SGCE: variants seen among roughly 807,000 people sequenced by gnomAD.
SGCE encodes the protein epsilon-sarcoglycan.
In SGCE, 26 loss-of-function variants were observed where a neutral mutation model predicts 57.8. The observed-to-expected ratio is 0.45, with a 90% CI of 0.33 to 0.62. The LOEUF (loss-of-function observed/expected upper bound fraction) is 0.62, where lower values mean the gene tolerates loss of function less well. SGCE is among the 20% of genes least tolerant of loss of function. The probability of loss-of-function intolerance (pLI) is 0.02; values close to 1 mark genes in which losing one functional copy is unlikely to be tolerated. For synonymous variants in SGCE, 183 were observed against 189.5 expected, an observed-to-expected ratio of 0.97 and a Z score of 0.28; for missense variants, 468 against 548.6, an observed-to-expected ratio of 0.85 and a Z score of 1.47.
intron 8 of SGCE, 31 bp from the exon 9 acceptor site, chr7:94,598,994 T>C: frequency 6.5e-7 from 1 of 1,544,066 alleles, no homozygotes. Flanking sequence ...ACAACATATA[T>C]TTAAAATCAT....
At chr7:94,623,573 G>A in intron 3 of SGCE, 176 bp from the exon 4 acceptor site, 17 of 580,526 alleles carry the variant, frequency 2.9e-5, no homozygotes, top group South Asian at 9.6e-5. Context: ...CAATATTATG[G>A]GAAAATAAAT....
At chr7:94,612,625 C>T (rs1801220725) in intron 5 of SGCE, among the ~76,000 whole-genome samples, 1 of 152,132 alleles carries the variant, frequency 6.6e-6, no homozygotes, top group South Asian at 2.1e-4. Flanking sequence ...TCTGCATATT[C>T]TTTAATGTGA....
intron 5 of SGCE, among the ~76,000 whole-genome samples, chr7:94,605,401 C>T (rs1584560331): frequency 6.6e-6 from 1 of 152,080 alleles, no homozygotes. Context: ...CTTAATTGAT[C>T]TAACAGATAA....
intron 1 of SGCE, among the ~76,000 whole-genome samples, chr7:94,639,695 T>C (rs997695182): frequency 6.6e-6 from 1 of 152,168 alleles, no homozygotes; most frequent in Admixed American, 6.5e-5. Context: ...TTCATGTACA[T>C]ATACATATAC....
At position 94,588,689 on chromosome 7, in the gene SGCE, C is replaced by T. The variant is rs1167644798; in HGVS notation, c.1297G>A (p.Gly433Ser). The change falls in exon 10 of 11, where the codon GGT becomes AGT. Residue 433 changes from glycine (G) to serine (S), a missense_variant and splice_region_variant. By Grantham distance (56) the Gly-to-Ser change is moderately conservative (BLOSUM62 0). Transcript: ENST00000648936. ...TTAATTTATTATTCTTAGCACTCAC[C>T]TGTAGTCTGCTGTTGGGGAATCTGA... Reference protein sequence around the residue: ...QTQIPQQQTTGKWYP With the variant: ...QTQIPQQQTTSKWYP The T allele has an allele frequency of 3.1e-6, 5 of 1,592,970 alleles. No individual in the cohort carries two copies. In the South Asian group the frequency reaches 3.3e-5, roughly 11 times the overall value.
intron 5 of SGCE, among the ~76,000 whole-genome samples, chr7:94,604,113 T>C (rs951870061): frequency 1.3e-5 from 2 of 152,082 alleles, no homozygotes; most frequent in African/African-American, 2.4e-5. Context: ...GGGGGAATTA[T>C]GGGGAAAGAT....
At chr7:94,635,033 A>C (rs949556325) in intron 1 of SGCE, among the ~76,000 whole-genome samples, 1 of 152,180 alleles carries the variant, frequency 6.6e-6, no homozygotes, top group African/African-American at 2.4e-5. Context: ...GTTATAGCTA[A>C]ATCAGCCTAA....
At chr7:94,636,754 C>T (rs953240358) in intron 1 of SGCE, among the ~76,000 whole-genome samples, 6 of 152,096 alleles carry the variant, frequency 3.9e-5, no homozygotes, top group East Asian at 3.9e-4. Context: ...ACCATCCTAC[C>T]GCTTTAGCTA....
chr7:94,590,315 C>T (rs1437765387), intron 9 of SGCE, among the ~76,000 whole-genome samples: 3 of 152,142 alleles, frequency 2.0e-5, no homozygotes, highest in African/African-American at 7.2e-5. Flanking sequence ...TATGCATCCT[C>T]ACTCTCTAAG....
chr7:94,649,087 G>A (rs1158450598), intron 1 of SGCE, among the ~76,000 whole-genome samples: 1 of 152,174 alleles, frequency 6.6e-6, no homozygotes, highest in Non-Finnish European at 1.5e-5. Context: ...ATACCATGGC[G>A]ATTCCCGTGG....
chr7:94,629,845 A>C lies in SGCE; in HGVS notation c.110-4T>G. On this transcript the variant is annotated splice_polypyrimidine_tract_variant and splice_region_variant and intron_variant, in intron 1 of 10. Transcript: ENST00000648936. Reference sequence around the variant, plus strand: ...ACCTTGGAGAAAATACTGTACACTGAAAACAAAGAGGAAAGATAAGTGACA... The same window carrying C: ...ACCTTGGAGAAAATACTGTACACTGCAAACAAAGAGGAAAGATAAGTGACA... The C allele has an allele frequency of 6.2e-7, 1 of 1,610,448 alleles. No individual in the cohort carries two copies. The highest frequency in any genetic ancestry group is 8.5e-7 in the Non-Finnish European group (1 of 1,177,318).
At chr7:94,647,493 A>G (rs1243762260) in intron 1 of SGCE, among the ~76,000 whole-genome samples, 1 of 152,132 alleles carries the variant, frequency 6.6e-6, no homozygotes, top group East Asian at 1.9e-4. Flanking sequence ...CCTTTTCCTC[A>G]CAAACAGCTA....
At chr7:94,634,708 C>T (rs921407245) in intron 1 of SGCE, among the ~76,000 whole-genome samples, 4 of 152,082 alleles carry the variant, frequency 2.6e-5, no homozygotes, top group Admixed American at 6.6e-5. Flanking sequence ...TTTTGGCTGC[C>T]GAAAGACTCT....
At chr7:94,646,100 C>T (rs1533833) in intron 1 of SGCE, among the ~76,000 whole-genome samples, 2 of 152,166 alleles carry the variant, frequency 1.3e-5, no homozygotes, top group Admixed American at 6.5e-5. Flanking sequence ...GGCATCTCAG[C>T]CAATCCTCAT....
rs866020566 is a variant in SGCE, at chr7:94,600,668, T to C, written c.1015A>G (p.Met339Val). ...LVLFLILAYI[M>V]CCRREGVEKR... ...CACACGCCTTCCCGTCGGCAGCACA[T>C]GATATAAGCAAGTATTAGAAAAAGG... is the stretch of plus-strand genomic sequence containing the variant. The change falls in exon 7 of 11, where the codon ATG (methionine) becomes GTG (valine). Residue 339 changes from methionine (M) to valine (V), a missense_variant. Physicochemically the swap from Met to Val is conservative, Grantham distance 21. Transcript: ENST00000648936. The C allele has an allele frequency of 1.9e-6, 3 of 1,613,398 alleles. No individual in the cohort carries two copies. The highest frequency in any genetic ancestry group is 2.7e-5 in the African/African-American group (2 of 74,906).
chr7:94,629,438 T>A, intron 2 of SGCE: 1 of 332,048 alleles, frequency 3.0e-6, no homozygotes, highest in South Asian at 2.9e-5. Flanking sequence ...AGTTTACAGC[T>A]ATAATTATTT....
At chr7:94,620,821 GAGCTGGGC>G (rs1256993318) in intron 4 of SGCE, 1 of 152,202 alleles carries the variant, frequency 6.6e-6, no homozygotes, top group Non-Finnish European at 1.5e-5. Context: ...CAGAGGCTTT[GAGCTGGGC>G]AGCTGCCTGC....
intron 6 of SGCE, 107 bp downstream of exon 6, chr7:94,603,183 A>C (rs1799544426): frequency 4.7e-6 from 4 of 848,094 alleles, no homozygotes; most frequent in African/African-American, 1.7e-5. Flanking sequence ...AACTGCAGTT[A>C]AAGTAAACCT....
chr7:94,638,030 C>T (rs961112952), intron 1 of SGCE, among the ~76,000 whole-genome samples: 6 of 152,054 alleles, frequency 3.9e-5, no homozygotes, highest in Non-Finnish European at 7.4e-5. Flanking sequence ...AAGAAACCAG[C>T]CAGATAAGGG....
Sources: gnomAD v4.1 joint callset for allele counts (sites outside exome capture counted in the v4.1 genomes callset) on GRCh38, gnomAD v4.1.1 for gene constraint, MANE v1.5 for transcripts, NCBI Gene and HGNC (gene_info 2026-07-23, HGNC 2026-07-21) for gene names.